The following RETREG1 variants were observed in gnomAD, a reference collection of about 807,000 sequenced individuals.
The protein encoded by RETREG1 is reticulophagy regulator 1.
A neutral mutation model predicts 54.8 loss-of-function variants in RETREG1; 44 were observed. That is an observed-to-expected ratio of 0.80 (90% CI 0.63 to 1.03). RETREG1 has a LOEUF of 1.03. Among genes scored for constraint, RETREG1 ranks in the 50% least tolerant of loss-of-function variants. The pLI is 0.00. For synonymous variants in RETREG1, 217 were observed against 238.5 expected, an observed-to-expected ratio of 0.91 and a Z score of 0.83; for missense variants, 554 against 605.1, an observed-to-expected ratio of 0.92 and a Z score of 0.89.
chr5:16,504,652 T>A (rs950022958), intron 3 of RETREG1, among the ~76,000 whole-genome samples: 1 of 152,148 alleles, frequency 6.6e-6, no homozygotes, highest in African/African-American at 2.4e-5. Context: ...AACAGCCATA[T>A]ATGTACGTAT....
rs1186051595 is a variant in RETREG1, at chr5:16,585,856, A to T, written c.321-13754T>A. 6.6e-6 allele frequency among the ~76,000 whole-genome samples: 1 copy of T among 152,018 alleles called. No individual in the cohort carries two copies. Among genetic ancestry groups the T allele is most frequent in the Non-Finnish European group, 1.5e-5 (1 of 67,996 alleles). ...TGTGGGGAGGGGGTGCCACATATTT[A>T]AACTACCAGATCTTGAAGAGAACTT... On this transcript the variant is annotated intron_variant, in intron 1 of 8. Coordinates refer to ENST00000306320, the MANE Select transcript of RETREG1 (RefSeq NM_001034850.3). The surrounding 1 kb of genome is among the most constrained non-coding windows in gnomAD (Gnocchi z 4.5).
chr5:16,572,461 C>T (rs1485207854), intron 1 of RETREG1, among the ~76,000 whole-genome samples: 1 of 152,114 alleles, frequency 6.6e-6, no homozygotes, highest in East Asian at 1.9e-4. Flanking sequence ...GATCCACCCA[C>T]CTCGGCCTCC....
intron 3 of RETREG1, among the ~76,000 whole-genome samples, chr5:16,496,224 CA>C (rs1739451836): frequency 1.3e-5 from 2 of 152,288 alleles, no homozygotes; most frequent in South Asian, 4.1e-4. Context: ...GTTTTCCTAT[CA>C]TATCAAATGT....
chr5:16,516,971 T>C (rs868850416), intron 3 of RETREG1, among the ~76,000 whole-genome samples: 1 of 152,086 alleles, frequency 6.6e-6, no homozygotes, highest in African/African-American at 2.4e-5. Flanking sequence ...ATCATAAGAT[T>C]TCTAAACCGT....
In RETREG1 at chr5:16,581,567, A is replaced by C. The variant is rs796268137; in HGVS notation, c.321-9465T>G. Among the ~76,000 whole-genome samples, 1,034 of 145,486 alleles carry C rather than the reference A, an allele frequency of 7.1e-3. 11 individuals carry two copies. The highest frequency in any genetic ancestry group is 0.024 in the African/African-American group (950 of 39,506). ...CACACACACACACACACACACACAAAACACACACACAGGACCACTGGCCCT... is the reference window on the plus strand; with the variant it reads ...CACACACACACACACACACACACAACACACACACACAGGACCACTGGCCCT... On this transcript the variant is annotated intron_variant, in intron 1 of 8. Coordinates refer to ENST00000306320, the MANE Select transcript of RETREG1 (RefSeq NM_001034850.3).
intron 2 of RETREG1, among the ~76,000 whole-genome samples, chr5:16,566,823 A>C (rs1742025325): frequency 6.6e-6 from 1 of 152,228 alleles, no homozygotes; most frequent in African/African-American, 2.4e-5. Context: ...GTTCCAAATA[A>C]GCTTCTTCAA....
chr5:16,540,993 A>G (rs1741225910), intron 3 of RETREG1, among the ~76,000 whole-genome samples: 1 of 152,194 alleles, frequency 6.6e-6, no homozygotes, highest in African/African-American at 2.4e-5. Flanking sequence ...CACCATCACT[A>G]TGCTTGAGAT....
rs1561080889 is a variant in RETREG1 at position 16,483,372 on chromosome 5, GA to G, written c.558del (p.Leu187PhefsTer65). The G allele has an allele frequency of 1.2e-6, 2 of 1,613,328 alleles. No individual in the cohort carries two copies. Among genetic ancestry groups the G allele is most frequent in the East Asian group, 2.2e-5 (1 of 44,862 alleles). On this transcript the variant is annotated frameshift_variant, in exon 4 of 9. Coordinates refer to ENST00000306320, the MANE Select transcript of RETREG1 (RefSeq NM_001034850.3). LOFTEE classifies it high-confidence loss of function. ...MNFSIFLQEM[S>X]LFKQQSPGKF... is the part of the protein sequence containing the mutation. ...TTGCCAGGGCTCTGCTGTTTAAAAA[GA>G]GACATTTCTTGAAGAAATATGCTGA...
chr5:16,492,965 G>A (rs1356956477), intron 3 of RETREG1, among the ~76,000 whole-genome samples: 1 of 152,240 alleles, frequency 6.6e-6, no homozygotes, highest in Non-Finnish European at 1.5e-5. Context: ...CCACGTGAGC[G>A]ACTCCTCCCA....
chr5:16,503,675 AAAAG>A lies in RETREG1; in HGVS notation c.459-20207_459-20204del, dbSNP rs1236711947. The stretch of plus-strand genomic sequence containing the variant: ...AAGACTCCATCTCAAAAAAAAAAAA[AAAAG>A]AAAGAAAGAAAGAAAAGAAAACTAA... On this transcript the variant is annotated intron_variant, in intron 3 of 8. Coordinates refer to ENST00000306320, the MANE Select transcript of RETREG1 (RefSeq NM_001034850.3). 7.4e-3 allele frequency among the ~76,000 whole-genome samples: 1,059 copies of A among 143,762 alleles called. 17 individuals are homozygous for A. The highest frequency in any genetic ancestry group is 0.021 in the African/African-American group (792 of 37,846). The allele number at this position is 143,762 out of a possible 152,430, so 94.3% of individuals were successfully genotyped here.
At chr5:16,481,440 G>C (rs891429213) in intron 4 of RETREG1, among the ~76,000 whole-genome samples, 2 of 151,962 alleles carry the variant, frequency 1.3e-5, no homozygotes, top group African/African-American at 4.8e-5. Context: ...CTTTTACTTC[G>C]CTCATTTAAG....
intron 3 of RETREG1, among the ~76,000 whole-genome samples, chr5:16,503,071 G>T (rs970995467): frequency 2.6e-5 from 4 of 152,204 alleles, no homozygotes; most frequent in Admixed American, 6.5e-5. Flanking sequence ...CAGCAGCAAA[G>T]AATTAGTCAC....
At chr5:16,577,986 G>A (rs1218418699) in intron 1 of RETREG1, among the ~76,000 whole-genome samples, 3 of 152,124 alleles carry the variant, frequency 2.0e-5, no homozygotes, top group African/African-American at 4.8e-5. Flanking sequence ...TATCAGCAGC[G>A]TGAAAACAGA....
intron 1 of RETREG1, among the ~76,000 whole-genome samples, chr5:16,604,487 C>T (rs746269624): frequency 7.9e-5 from 12 of 152,224 alleles, no homozygotes; most frequent in East Asian, 1.9e-4. Context: ...AAGTGTGCCA[C>T]GAAATTGTCA....
chr5:16,588,991 C>G (rs1008699975), intron 1 of RETREG1, among the ~76,000 whole-genome samples: 1 of 152,216 alleles, frequency 6.6e-6, no homozygotes, highest in Non-Finnish European at 1.5e-5. Flanking sequence ...TGAAGCTGCT[C>G]TGCCCAGCAA....
At chr5:16,508,820 C>T in intron 3 of RETREG1, 1 of 1,439,506 alleles carries the variant, frequency 6.9e-7, no homozygotes, top group Non-Finnish European at 9.1e-7. Flanking sequence ...GCGCCTGCCT[C>T]CCTTGAATGA....
At chr5:16,495,124 C>G (rs770239122) in intron 3 of RETREG1, among the ~76,000 whole-genome samples, 23 of 152,172 alleles carry the variant, frequency 1.5e-4, no homozygotes, top group Non-Finnish European at 2.5e-4. Flanking sequence ...GAAGAAATTT[C>G]TAAGCAGCAA....
intron 1 of RETREG1, among the ~76,000 whole-genome samples, chr5:16,575,552 T>TA (rs1742297642): frequency 6.6e-6 from 1 of 152,138 alleles, no homozygotes; most frequent in South Asian, 2.1e-4. Context: ...AAAAGAAAAT[T>TA]AGGTAATGCC....
chr5:16,532,804 G>A (rs1235953562), intron 3 of RETREG1, among the ~76,000 whole-genome samples: 1 of 152,134 alleles, frequency 6.6e-6, no homozygotes, highest in Non-Finnish European at 1.5e-5. Context: ...ATGGTGAAAT[G>A]TAAAAGAATA....
Sources: gnomAD v4.1 joint callset for allele counts (sites outside exome capture counted in the v4.1 genomes callset) on GRCh38, gnomAD v4.1.1 for gene constraint, Gnocchi (gnomAD v3.1) non-coding constraint, MANE v1.5 for transcripts, NCBI Gene and HGNC (gene_info 2026-07-23, HGNC 2026-07-21) for gene names.